The following ARHGEF3 variants were observed in gnomAD, a reference collection of about 807,000 sequenced individuals.
ARHGEF3 encodes the protein Rho guanine nucleotide exchange factor 3.
Under a neutral mutation model 63.2 loss-of-function variants are expected in ARHGEF3, and 28 were observed. The observed-to-expected ratio is 0.44, with a 90% CI of 0.33 to 0.61. ARHGEF3 has a LOEUF of 0.61. ARHGEF3 is among the 20% of genes least tolerant of loss of function. ARHGEF3 has a pLI of 0.03. For missense variants in ARHGEF3, 533 were observed against 659.3 expected (o/e 0.81, Z 2.10); for synonymous variants, 266 against 254.2 (o/e 1.05, Z -0.44).
intron 2 of ARHGEF3, among the ~76,000 whole-genome samples, chr3:56,762,270 C>T (rs555404966): frequency 3.6e-4 from 54 of 152,078 alleles, no homozygotes; most frequent in Non-Finnish European, 6.9e-4. Flanking sequence ...ATGCTGGGAC[C>T]GGAGTGAAAA....
At chr3:56,864,449 T>C (rs2040177751) in intron 4 of ARHGEF3, among the ~76,000 whole-genome samples, 1 of 152,256 alleles carries the variant, frequency 6.6e-6, no homozygotes, top group Admixed American at 6.5e-5. Flanking sequence ...TGGCCTTTCA[T>C]GACTAGGTCA....
At chr3:56,927,095 A>G (rs2042295274) in intron 3 of ARHGEF3, among the ~76,000 whole-genome samples, 1 of 152,240 alleles carries the variant, frequency 6.6e-6, no homozygotes, top group Admixed American at 6.5e-5. Context: ...CCTGGGTTCA[A>G]ATCCCAGTGC....
intron 3 of ARHGEF3, among the ~76,000 whole-genome samples, chr3:56,933,839 C>CCACATGTA (rs1179373378): frequency 2.0e-5 from 3 of 152,158 alleles, no homozygotes; most frequent in African/African-American, 7.2e-5. Context: ...CCCATAATCC[C>CCACATGTA]CACATGTACA....
intron 1 of ARHGEF3, among the ~76,000 whole-genome samples, chr3:57,066,658 C>T (rs973755535): frequency 6.6e-6 from 1 of 152,208 alleles, no homozygotes; most frequent in Non-Finnish European, 1.5e-5. Flanking sequence ...CCATGGTAAC[C>T]AGCTATTTGG....
chr3:56,930,418 C>T lies in ARHGEF3; in HGVS notation c.129+28405G>A, dbSNP rs577487735. Reference sequence around the variant, plus strand: ...TGGTTTCTTCTAGAAATAAAACCAGCGTCAAGCATAAGGAATGAAAGGCAG... The same window carrying T: ...TGGTTTCTTCTAGAAATAAAACCAGTGTCAAGCATAAGGAATGAAAGGCAG... On this transcript the variant is annotated intron_variant, in intron 3 of 12. Transcript: ENST00000338458. Among the ~76,000 whole-genome samples the T allele has an allele frequency of 7.9e-5, 12 of 152,212 alleles. No homozygotes were observed. The East Asian group carries it at 1.5e-3, about 20-fold the overall frequency.
At chr3:56,890,202 A>G (rs1431002842) in intron 3 of ARHGEF3, among the ~76,000 whole-genome samples, 2 of 152,234 alleles carry the variant, frequency 1.3e-5, no homozygotes, top group East Asian at 3.8e-4. Flanking sequence ...ATGCAGCTCC[A>G]CCTTTGCTAC....
At chr3:56,957,972 A>G (rs1182179478) in intron 3 of ARHGEF3, among the ~76,000 whole-genome samples, 1 of 152,184 alleles carries the variant, frequency 6.6e-6, no homozygotes, top group Non-Finnish European at 1.5e-5. Flanking sequence ...CCTTGCATCA[A>G]GAAGTTCAAT....
chr3:56,764,063 A>G (rs1311731365), intron 2 of ARHGEF3, among the ~76,000 whole-genome samples: 1 of 131,590 alleles, frequency 7.6e-6, no homozygotes, highest in Non-Finnish European at 1.8e-5. Flanking sequence ...CATTAAAACC[A>G]TGGTAAAAGG....
At chr3:56,758,000 G>A (rs1465621855) in intron 2 of ARHGEF3, among the ~76,000 whole-genome samples, 3 of 151,516 alleles carry the variant, frequency 2.0e-5, no homozygotes, top group African/African-American at 7.3e-5. Flanking sequence ...TAAAATGGCC[G>A]GGCGTGGTGG....
At chr3:56,997,922 G>A (rs933598484) in intron 2 of ARHGEF3, among the ~76,000 whole-genome samples, 11 of 152,154 alleles carry the variant, frequency 7.2e-5, no homozygotes, top group East Asian at 5.8e-4. Context: ...TCTCATGAAC[G>A]TGTGTACAGT....
At position 56,775,777 on chromosome 3, in the gene ARHGEF3, T is replaced by TACAC. The variant is rs368145142; in HGVS notation, c.97-1965_97-1962dup. 8 of 470,316 alleles carry TACAC rather than the reference T, an allele frequency of 1.7e-5. No individual in the cohort carries two copies. The African/African-American group carries it at 1.7e-4, about 10-fold the overall frequency. 29.1% of individuals were successfully genotyped at this position (470,316 alleles called of 1,614,324 possible). ...AGAGCTGCACCACTAGCGTACTGAA[T>TACAC]ACACACACACACACACGCGCAAGCA... On this transcript the variant is annotated intron_variant, in intron 1 of 9. Coordinates refer to ENST00000296315, the MANE Select transcript of ARHGEF3 (RefSeq NM_019555.3).
intron 2 of ARHGEF3, among the ~76,000 whole-genome samples, chr3:56,965,471 C>A (rs1700453720): frequency 6.6e-6 from 1 of 151,666 alleles, no homozygotes; most frequent in Admixed American, 6.6e-5. Flanking sequence ...CCGAACTTTC[C>A]AAAGAAAAAA....
At chr3:56,787,750 C>CA (rs1174153438) in intron 1 of ARHGEF3, among the ~76,000 whole-genome samples, 1 of 134,856 alleles carries the variant, frequency 7.4e-6, no homozygotes, top group Non-Finnish European at 1.6e-5. Flanking sequence ...TAGCAATATA[C>CA]AGGAGGACTT....
chr3:56,887,989 A>C (rs1234554152), intron 3 of ARHGEF3, among the ~76,000 whole-genome samples: 1 of 152,230 alleles, frequency 6.6e-6, no homozygotes, highest in Non-Finnish European at 1.5e-5. Context: ...AGCCAAAATT[A>C]AATCAAAAAC....
intron 1 of ARHGEF3, among the ~76,000 whole-genome samples, chr3:57,056,353 C>G (rs13076925): frequency 6.8e-6 from 1 of 147,770 alleles, no homozygotes; most frequent in African/African-American, 2.5e-5. Flanking sequence ...TGCCACTGCA[C>G]TCCAGCCTGG....
At chr3:56,964,680 T>C (rs541269634) in intron 2 of ARHGEF3, among the ~76,000 whole-genome samples, 6 of 152,022 alleles carry the variant, frequency 3.9e-5, no homozygotes, top group Admixed American at 2.6e-4. Flanking sequence ...ACATGGCAAA[T>C]TGCTTTTTTT....
At chr3:56,742,922 T>TA (rs1189731676) in intron 7 of ARHGEF3, among the ~76,000 whole-genome samples, 3 of 152,098 alleles carry the variant, frequency 2.0e-5, no homozygotes, top group East Asian at 1.9e-4. Flanking sequence ...GGGTATTTTT[T>TA]AAAAAAACAG....
At chr3:56,882,781 T>C (rs1401388842) in intron 3 of ARHGEF3, among the ~76,000 whole-genome samples, 1 of 152,152 alleles carries the variant, frequency 6.6e-6, no homozygotes, top group Non-Finnish European at 1.5e-5. Context: ...CCTCCCAAAG[T>C]GCTGGGATTA....
At chr3:56,798,653 T>C (rs555706608) in intron 1 of ARHGEF3, among the ~76,000 whole-genome samples, 1 of 152,304 alleles carries the variant, frequency 6.6e-6, no homozygotes, top group South Asian at 2.1e-4. Context: ...CATTTTCTTT[T>C]AGTGATTTGA....
Sources: gnomAD v4.1 joint callset for allele counts (sites outside exome capture counted in the v4.1 genomes callset) on GRCh38, gnomAD v4.1.1 for gene constraint, MANE v1.5 for transcripts, NCBI Gene and HGNC (gene_info 2026-07-23, HGNC 2026-07-21) for gene names.